TBC1D14: variants seen among roughly 807,000 people sequenced by gnomAD.
TBC1D14 encodes the protein TBC1 domain family member 14, also known as TBC1 domain family, member 14.
TBC1D14 carries 26 observed loss-of-function variants against 79.0 expected under a neutral mutation model. The ratio of observed to expected loss-of-function variants is 0.33; its 90% CI spans 0.24 to 0.46. The LOEUF (loss-of-function observed/expected upper bound fraction) is 0.46, where lower values mean the gene tolerates loss of function less well. TBC1D14 is among the 20% of genes least tolerant of loss of function. The probability of loss-of-function intolerance (pLI) is 1.00; values close to 1 mark genes in which losing one functional copy is unlikely to be tolerated. For synonymous variants in TBC1D14, 394 were observed against 349.9 expected, an observed-to-expected ratio of 1.13 and a Z score of -1.40; for missense variants, 769 against 887.6, an observed-to-expected ratio of 0.87 and a Z score of 1.70.
intron 3 of TBC1D14, among the ~76,000 whole-genome samples, chr4:6,977,504 C>T (rs1239065461): frequency 1.4e-5 from 2 of 145,210 alleles, no homozygotes; most frequent in African/African-American, 2.5e-5. Context: ...GCCTTGGCCC[C>T]GCAAAGTGCC....
intron 2 of TBC1D14, among the ~76,000 whole-genome samples, chr4:6,932,323 G>A (rs1199567174): frequency 6.6e-6 from 1 of 150,748 alleles, no homozygotes; most frequent in East Asian, 2.0e-4. Flanking sequence ...AGCGAGCCAA[G>A]ATCGCCGCCA....
At chr4:6,939,281 G>T (rs920582348) in intron 2 of TBC1D14, among the ~76,000 whole-genome samples, 3 of 152,058 alleles carry the variant, frequency 2.0e-5, no homozygotes, top group Non-Finnish European at 4.4e-5. Flanking sequence ...TGGTTTTCCT[G>T]CCTGCCTCTT....
Position 7,006,173 on chromosome 4 carries a change from A to G in TBC1D14, c.1352-459A>G, listed in dbSNP as rs541496888. 1.6e-3 allele frequency among the ~76,000 whole-genome samples: 238 copies of G among 152,328 alleles called. 2 individuals carry two copies. Among genetic ancestry groups the G allele is most frequent in the Non-Finnish European group, 2.1e-3 (144 of 68,032 alleles). ...AACAAAGAAAGACCCTGTCGCTACA[A>G]AAAGATAAAAGAAAAAAGAAATATT... On this transcript the variant is annotated intron_variant, in intron 8 of 13. Transcript: ENST00000409757.
At chr4:6,916,326 C>G (rs563758953) in intron 1 of TBC1D14, among the ~76,000 whole-genome samples, 79 of 152,194 alleles carry the variant, frequency 5.2e-4, no homozygotes, top group Non-Finnish European at 1.0e-3. Context: ...GCTTCGTGCT[C>G]CAGCCCTGCG....
chr4:7,028,977 G>A (rs55882710), intron 13 of TBC1D14, among the ~76,000 whole-genome samples: 14,681 of 152,104 alleles, frequency 0.097, 1,018 homozygotes, highest in African/African-American at 0.19. Flanking sequence ...AGCTGGGACT[G>A]CAGGCATGTG....
chr4:6,952,003 A>G (rs950580727), intron 2 of TBC1D14, among the ~76,000 whole-genome samples: 2 of 152,110 alleles, frequency 1.3e-5, no homozygotes, highest in African/African-American at 4.8e-5. Flanking sequence ...GCTTTGGCTG[A>G]TAGGCTGTTG....
At chr4:6,962,666 C>T (rs1200860833) in intron 2 of TBC1D14, among the ~76,000 whole-genome samples, 1 of 152,054 alleles carries the variant, frequency 6.6e-6, no homozygotes, top group Non-Finnish European at 1.5e-5. Flanking sequence ...CCCCAGCTCT[C>T]AGCCTGCTCC....
At chr4:6,991,407 G>A (rs992732094) in intron 3 of TBC1D14, among the ~76,000 whole-genome samples, 6 of 152,148 alleles carry the variant, frequency 3.9e-5, no homozygotes, top group African/African-American at 1.4e-4. Context: ...GGTAAGTCAC[G>A]GACACCTCTG....
chr4:7,020,941 G>A (rs1413672120), intron 12 of TBC1D14, among the ~76,000 whole-genome samples: 2 of 152,326 alleles, frequency 1.3e-5, no homozygotes, highest in East Asian at 1.9e-4. Flanking sequence ...GTTGTAACAA[G>A]GATTCAGATG....
chr4:6,959,457 C>T (rs1714979993), intron 2 of TBC1D14, among the ~76,000 whole-genome samples: 1 of 152,170 alleles, frequency 6.6e-6, no homozygotes. Flanking sequence ...CTGGGCCTTC[C>T]CCCGGGCTGG....
In TBC1D14 at chr4:7,017,419, C is replaced by G. The variant is rs570587166; in HGVS notation, c.1757+2862C>G. Among the ~76,000 whole-genome samples, 3 of 152,298 alleles carry G rather than the reference C, an allele frequency of 2.0e-5. No individual in the cohort carries two copies. The South Asian group carries it at 6.2e-4, about 32-fold the overall frequency. ...GACTCAAGTCTACCCGGCTCTAGAG[C>G]TGTGCACTTTCCCTTAGAGTCCTTT... On this transcript the variant is annotated intron_variant, in intron 12 of 13. Transcript: ENST00000409757.
At chr4:6,998,060 G>C (rs1719250418) in intron 5 of TBC1D14, among the ~76,000 whole-genome samples, 1 of 152,262 alleles carries the variant, frequency 6.6e-6, no homozygotes, top group African/African-American at 2.4e-5. Flanking sequence ...TCTCAGAGCT[G>C]CTATTTGTAG....
chr4:6,979,803 A>G (rs1717202125), intron 3 of TBC1D14, among the ~76,000 whole-genome samples: 1 of 152,238 alleles, frequency 6.6e-6, no homozygotes, highest in Non-Finnish European at 1.5e-5. Context: ...TATTATAAAA[A>G]GTAGACTTCA....
At chr4:6,976,692 GAGAC>G (rs1375998430) in intron 3 of TBC1D14, among the ~76,000 whole-genome samples, 2 of 152,196 alleles carry the variant, frequency 1.3e-5, no homozygotes, top group African/African-American at 4.8e-5. Context: ...ATGCTAGGAG[GAGAC>G]TTGGAACATC....
chr4:6,960,247 A>ATT (rs912173712), intron 2 of TBC1D14, among the ~76,000 whole-genome samples: 21 of 130,296 alleles, frequency 1.6e-4, no homozygotes, highest in Admixed American at 7.8e-4. Flanking sequence ...ATGCCTGGCT[A>ATT]TTTTTTTTTT....
intron 10 of TBC1D14, among the ~76,000 whole-genome samples, chr4:7,010,272 G>A (rs1249579480): frequency 6.6e-6 from 1 of 152,234 alleles, no homozygotes; most frequent in Non-Finnish European, 1.5e-5. Context: ...TGATACTTCT[G>A]TGGCTTCGCG....
chr4:7,025,818 C>CA (rs1722313591), intron 13 of TBC1D14, among the ~76,000 whole-genome samples: 1 of 152,212 alleles, frequency 6.6e-6, no homozygotes, highest in African/African-American at 2.4e-5. Flanking sequence ...CGCGGATAGT[C>CA]CGTATCCCTT....
At chr4:6,921,865 T>A (rs990200256) in intron 1 of TBC1D14, among the ~76,000 whole-genome samples, 2 of 151,734 alleles carry the variant, frequency 1.3e-5, no homozygotes, top group East Asian at 3.9e-4. Flanking sequence ...CCTGGCTAAT[T>A]TTTGTATTTT....
Position 7,001,274 on chromosome 4 carries a change from G to A in TBC1D14, c.1270+23G>A, listed in dbSNP as rs748009420. On this transcript the variant is annotated intron_variant, in intron 7 of 13. Transcript: ENST00000409757. ...ACGGTGAGTGGCCTGCATGATCCTG[G>A]GGAGTCCACCTCCAGGCCCTTTGGC... The A allele has an allele frequency of 4.4e-6, 7 of 1,599,168 alleles. No individual in the cohort carries two copies. In the South Asian group the frequency reaches 5.5e-5, roughly 13 times the overall value.
Sources: gnomAD v4.1 joint callset for allele counts (sites outside exome capture counted in the v4.1 genomes callset) on GRCh38, gnomAD v4.1.1 for gene constraint, MANE v1.5 for transcripts, NCBI Gene and HGNC (gene_info 2026-07-23, HGNC 2026-07-21) for gene names.